KLF12: variants seen among roughly 807,000 people sequenced by gnomAD.
The protein encoded by KLF12 is KLF transcription factor 12, also known as Krueppel-like factor 12.
KLF12 carries 9 observed loss-of-function variants against 37.8 expected under a neutral mutation model. The ratio of observed to expected loss-of-function variants is 0.24; its 90% CI spans 0.14 to 0.42. KLF12 has a LOEUF of 0.42. Among genes scored for constraint, KLF12 ranks in the 10% least tolerant of loss-of-function variants. The probability of loss-of-function intolerance (pLI) is 1.00; values close to 1 mark genes in which losing one functional copy is unlikely to be tolerated. For missense variants in KLF12, 411 were observed against 516.0 expected (o/e 0.80, Z 1.97); for synonymous variants, 208 against 202.1 (o/e 1.03, Z -0.25).
intron 3 of KLF12, among the ~76,000 whole-genome samples, chr13:73,911,316 A>T (rs897127168): frequency 3.3e-5 from 5 of 152,334 alleles, no homozygotes; most frequent in African/African-American, 1.2e-4. Flanking sequence ...GATGAATGAA[A>T]ATATTTATTC....
chr13:73,934,745 G>C (rs76976492), intron 3 of KLF12, among the ~76,000 whole-genome samples: 1 of 151,844 alleles, frequency 6.6e-6, no homozygotes, highest in African/African-American at 2.4e-5. Context: ...GGATTTGTGA[G>C]TTTATAGTTT....
intron 1 of KLF12, among the ~76,000 whole-genome samples, chr13:74,087,948 A>G (rs919191003): frequency 2.0e-4 from 31 of 152,194 alleles, no homozygotes; most frequent in Non-Finnish European, 8.8e-5. Flanking sequence ...CATTCTTAAC[A>G]AAGAGAACAC....
intron 4 of KLF12, among the ~76,000 whole-genome samples, chr13:73,829,046 T>C (rs940728859): frequency 3.9e-5 from 6 of 152,132 alleles, no homozygotes; most frequent in Admixed American, 6.5e-5. Flanking sequence ...CCCTCTTCCT[T>C]TGCAATCCAC....
At chr13:74,215,356 C>T in the KLF12 span, among the ~76,000 whole-genome samples, 1 of 149,324 alleles carries the variant, frequency 6.7e-6, no homozygotes. Context: ...ATTATTCTTC[C>T]TCTGTATTCC....
chr13:73,948,384 A>G (rs898345845), intron 2 of KLF12, among the ~76,000 whole-genome samples: 2 of 151,928 alleles, frequency 1.3e-5, no homozygotes, highest in African/African-American at 4.8e-5. Flanking sequence ...ACCACGCCTA[A>G]TTTTTTCTAT....
the KLF12 span, among the ~76,000 whole-genome samples, chr13:74,285,830 A>G: frequency 6.6e-6 from 1 of 152,170 alleles, no homozygotes; most frequent in Non-Finnish European, 1.5e-5. Flanking sequence ...ATGCTTTGTA[A>G]CATGCTCTAA....
At chr13:74,161,418 A>G in the KLF12 span, among the ~76,000 whole-genome samples, 1 of 152,154 alleles carries the variant, frequency 6.6e-6, no homozygotes, top group Admixed American at 6.5e-5. Context: ...ATTTGGACAC[A>G]TACAGAGGCA....
At chr13:74,148,403 C>CT in the KLF12 span, among the ~76,000 whole-genome samples, 41,985 of 73,540 alleles carry the variant, frequency 0.57, 15,037 homozygotes, top group East Asian at 0.75. Flanking sequence ...CAAAACTGCT[C>CT]TTTTTTTTTT....
chr13:73,814,014 T>TC (rs142546355), intron 4 of KLF12, among the ~76,000 whole-genome samples: 6,446 of 152,328 alleles, frequency 0.042, 203 homozygotes, highest in African/African-American at 0.092. Flanking sequence ...GACTATCAGA[T>TC]CTTTCAAATG....
intron 5 of KLF12, chr13:73,800,691 CTAGT>C (rs1882238456): frequency 6.6e-6 from 1 of 151,948 alleles, no homozygotes; most frequent in Admixed American, 6.6e-5. Flanking sequence ...CTAAGAATAT[CTAGT>C]TACTTTTAAA....
At chr13:73,998,658 G>T (rs1438659669) in intron 1 of KLF12, among the ~76,000 whole-genome samples, 1 of 152,216 alleles carries the variant, frequency 6.6e-6, no homozygotes, top group Non-Finnish European at 1.5e-5. Flanking sequence ...TTGACAGGCA[G>T]GCTTTGTGCA....
At chr13:74,071,665 C>A (rs531164032) in intron 1 of KLF12, among the ~76,000 whole-genome samples, 8 of 152,134 alleles carry the variant, frequency 5.3e-5, no homozygotes, top group Non-Finnish European at 1.2e-4. Flanking sequence ...TGCACTCCAG[C>A]CTGGGCGACA....
chr13:74,247,941 G>A, the KLF12 span, among the ~76,000 whole-genome samples: 2 of 152,286 alleles, frequency 1.3e-5, no homozygotes, highest in Admixed American at 1.3e-4. Flanking sequence ...AAGGAATGGG[G>A]GCCAAGGGAC....
At chr13:73,961,907 G>A in intron 2 of KLF12, 1 of 418,002 alleles carries the variant, frequency 2.4e-6, no homozygotes, top group Non-Finnish European at 4.8e-6. Context: ...TGCAAAATGG[G>A]CAGCCACTTT....
intron 5 of KLF12, among the ~76,000 whole-genome samples, chr13:73,790,044 G>C (rs1881593240): frequency 6.6e-6 from 1 of 152,152 alleles, no homozygotes; most frequent in Non-Finnish European, 1.5e-5. Flanking sequence ...TTGTGCAGTT[G>C]TAGGGATGAA....
chr13:73,862,099 T>C (rs1233290866), intron 3 of KLF12, among the ~76,000 whole-genome samples: 1 of 150,820 alleles, frequency 6.6e-6, no homozygotes, highest in Non-Finnish European at 1.5e-5. Flanking sequence ...TGAGGTTAAG[T>C]TAAAAACCTT....
chr13:74,222,103 C>T, the KLF12 span, among the ~76,000 whole-genome samples: 2 of 152,206 alleles, frequency 1.3e-5, no homozygotes, highest in Non-Finnish European at 2.9e-5. Flanking sequence ...CCTCCCACCA[C>T]TTGTCAGTGT....
the KLF12 span, among the ~76,000 whole-genome samples, chr13:74,227,889 T>G: frequency 2.0e-5 from 3 of 152,174 alleles, no homozygotes; most frequent in Non-Finnish European, 2.9e-5. Flanking sequence ...ATAATATAAT[T>G]TTTTAAGAAA....
chr13:73,900,300 G>A (rs993602702), intron 3 of KLF12, among the ~76,000 whole-genome samples: 5 of 152,078 alleles, frequency 3.3e-5, no homozygotes, highest in Non-Finnish European at 7.4e-5. Flanking sequence ...ATGTTAAAGA[G>A]AAAATTCATT....
Sources: gnomAD v4.1 joint callset for allele counts (sites outside exome capture counted in the v4.1 genomes callset) on GRCh38, gnomAD v4.1.1 for gene constraint, MANE v1.5 for transcripts, NCBI Gene and HGNC (gene_info 2026-07-23, HGNC 2026-07-21) for gene names.